The following MT1F variants were observed in gnomAD, a reference collection of about 807,000 sequenced individuals.
MT1F encodes the protein metallothionein 1F.
In MT1F, 6 loss-of-function variants were observed where a neutral mutation model predicts 5.4. The ratio of observed to expected loss-of-function variants is 1.11; its 90% CI spans 0.61 to 2.19. The LOEUF is 2.19. Ranked by LOEUF, MT1F falls within the 30% of genes most tolerant of loss-of-function variation. The pLI, the probability that MT1F is intolerant of heterozygous loss-of-function variation, is 0.00. For synonymous variants in MT1F, 28 were observed against 28.3 expected (o/e 0.99, Z 0.04); for missense variants, 82 against 77.0 (o/e 1.07, Z -0.24).
Position 56,659,300 on chromosome 16 carries a change from C to A in MT1F, c.*136C>A. 9.1e-6 allele frequency: 7 copies of A among 767,158 alleles called. No homozygotes were observed. The highest frequency in any genetic ancestry group is 1.5e-5 in the Non-Finnish European group (7 of 477,108). 47.5% of individuals were successfully genotyped at this position (767,158 alleles called of 1,614,324 possible). ...TGAGTGATAATTAAACACTTTAGACCTGATTCTGACTTCAGTTTCCCTTAT... is the reference window on the plus strand; with the variant it reads ...TGAGTGATAATTAAACACTTTAGACATGATTCTGACTTCAGTTTCCCTTAT... On this transcript the variant is annotated 3_prime_UTR_variant, in exon 3 of 3. Transcript: ENST00000334350.
chr16:56,659,172 A>T lies in MT1F; in HGVS notation c.*8A>T. ...TGCAGCTGCTGCGACTGATGCCAGG[A>T]CAACCTTTCTCCCAGATGTAAACAG... On this transcript the variant is annotated 3_prime_UTR_variant, in exon 3 of 3. Transcript: ENST00000334350. 6.2e-7 allele frequency: 1 copy of T among 1,613,932 alleles called. No homozygotes were observed. Among genetic ancestry groups the T allele is most frequent in the Non-Finnish European group, 8.5e-7 (1 of 1,179,854 alleles).
At position 56,659,110 on chromosome 16, in the gene MT1F, T is replaced by C. The variant is rs758403306; in HGVS notation, c.132T>C (p.Cys44=). The C allele has an allele frequency of 6.2e-7, 1 of 1,614,054 alleles. No individual in the cohort carries two copies. The highest frequency in any genetic ancestry group is 8.5e-7 in the Non-Finnish European group (1 of 1,179,974). ...GCTGCCCCGTGGGCTGTAGCAAGTG[T>C]GCCCAGGGCTGTGTTTGCAAAGGGG... ...CSCCPVGCSK[C]AQGCVCKGAS... is the part of the protein sequence containing the mutation. Residue 44 remains cysteine (C), a synonymous_variant, in exon 3 of 3, where the codon TGT becomes TGC. Transcript: ENST00000334350.
Position 56,658,101 on chromosome 16 carries a change from G to A in MT1F, c.28+15G>A. 1.2e-6 allele frequency: 2 copies of A among 1,614,034 alleles called. No individual in the cohort carries two copies. Among genetic ancestry groups the A allele is most frequent in the Non-Finnish European group, 1.7e-6 (2 of 1,179,910 alleles). On this transcript the variant is annotated intron_variant, in intron 1 of 2. Coordinates refer to ENST00000334350, the MANE Select transcript of MT1F (RefSeq NM_005949.4). The stretch of plus-strand genomic sequence containing the variant: ...CTGCGCCGCTGGTAAGGAACGCCGG[G>A]TTCCGTGCCTGGGGATGCTCGATTC...
In MT1F at chr16:56,658,050, C is replaced by T. The variant is rs746784071; in HGVS notation, c.-9C>T. The T allele has an allele frequency of 1.3e-4, 205 of 1,614,006 alleles. No homozygotes were observed. The highest frequency in any genetic ancestry group is 1.6e-4 in the Middle Eastern group (1 of 6,084). On this transcript the variant is annotated 5_prime_UTR_variant, in exon 1 of 3. Coordinates refer to ENST00000334350, the MANE Select transcript of MT1F (RefSeq NM_005949.4). ...TCTCTTGGAAAGTCCAGTCTCTCCTCGGCTTGCAATGGACCCCAACTGCTC... is the reference window on the plus strand; with the variant it reads ...TCTCTTGGAAAGTCCAGTCTCTCCTTGGCTTGCAATGGACCCCAACTGCTC...
In MT1F at chr16:56,659,109, G is replaced by A. The variant is rs1446434132; in HGVS notation, c.131G>A (p.Cys44Tyr). ...CSCCPVGCSK[C>Y]AQGCVCKGAS... ...TGCTGCCCCGTGGGCTGTAGCAAGTGTGCCCAGGGCTGTGTTTGCAAAGGG... is the reference window on the plus strand; with the variant it reads ...TGCTGCCCCGTGGGCTGTAGCAAGTATGCCCAGGGCTGTGTTTGCAAAGGG... The change falls in exon 3 of 3, where the codon TGT (cysteine) becomes TAT (tyrosine). Residue 44 changes from cysteine to tyrosine, a missense_variant. By Grantham distance (194) the Cys-to-Tyr change is radical. Transcript: ENST00000334350. 6.2e-7 allele frequency: 1 copy of A among 1,613,944 alleles called. No homozygotes were observed. Among genetic ancestry groups the A allele is most frequent in the Non-Finnish European group, 8.5e-7 (1 of 1,179,992 alleles).
At position 56,658,313 on chromosome 16, in the gene MT1F, T is replaced by G. The variant is rs1960646403; in HGVS notation, c.28+227T>G. The G allele has an allele frequency of 1.3e-5, 8 of 604,244 alleles. 1 individual carries two copies. In the East Asian group the frequency reaches 2.3e-4, roughly 17 times the overall value. 37.4% of individuals were successfully genotyped at this position (604,244 alleles called of 1,614,324 possible). On this transcript the variant is annotated intron_variant, in intron 1 of 2. Coordinates refer to ENST00000334350, the MANE Select transcript of MT1F (RefSeq NM_005949.4). ...CTCAAGGCTGTCCTGCTCCACGTCA[T>G]GCGGTTTGTCCCAGGGCTGTTGGCT...
In MT1F at chr16:56,659,217, G is replaced by A; in HGVS notation, c.*53G>A. On this transcript the variant is annotated 3_prime_UTR_variant, in exon 3 of 3. Transcript: ENST00000334350. ...AAACAGAGAGACATGTACAAACCTGGATTTTTTTTTTATACCACCTTGACC... is the reference window on the plus strand; with the variant it reads ...AAACAGAGAGACATGTACAAACCTGAATTTTTTTTTTATACCACCTTGACC... 6 of 1,582,056 alleles carry A rather than the reference G, an allele frequency of 3.8e-6. No homozygotes were observed. The highest frequency in any genetic ancestry group is 5.2e-6 in the Non-Finnish European group (6 of 1,157,424).
At position 56,658,008 on chromosome 16, in the gene MT1F, C is replaced by T. The variant is rs375184697; in HGVS notation, c.-51C>T. The T allele has an allele frequency of 6.8e-4, 1,089 of 1,603,506 alleles. 7 individuals carry two copies. Among genetic ancestry groups the T allele is most frequent in the Non-Finnish European group, 1.4e-4 (169 of 1,171,016 alleles). On this transcript the variant is annotated 5_prime_UTR_variant, in exon 1 of 3. Transcript: ENST00000334350. ...GGTCCACCACGCCTTCCACCTGCCC[C>T]ACTGCTTCTTCGCTTCTCTCTTGGA...
At chr16:56,658,503 T>A in intron 1 of MT1F, 172 bp from the exon 2 acceptor site, 1 of 683,790 alleles carries the variant, frequency 1.5e-6, no homozygotes, top group East Asian at 2.7e-5. Context: ...TGCTTGGCCT[T>A]CCCAGCATGA....
Position 56,658,757 on chromosome 16 carries a change from C to T in MT1F, c.94+17C>T, listed in dbSNP as rs1176037370. ...GCAAGAAGAGTGAGTGTGAGGCCATCTCCATGGTCTGGGGCTGTGGCTAAG... is the reference window on the plus strand; with the variant it reads ...GCAAGAAGAGTGAGTGTGAGGCCATTTCCATGGTCTGGGGCTGTGGCTAAG... On this transcript the variant is annotated intron_variant, in intron 2 of 2. Transcript: ENST00000334350. 54 of 1,614,104 alleles carry T rather than the reference C, an allele frequency of 3.3e-5. No homozygotes were observed. The highest frequency in any genetic ancestry group is 4.6e-5 in the Non-Finnish European group (54 of 1,179,942).
Position 56,658,063 on chromosome 16 carries a change from ACC to A in MT1F, c.8_9del (p.Pro3GlnfsTer39). 1 of 1,613,824 alleles carries A rather than the reference ACC, an allele frequency of 6.2e-7. No individual in the cohort carries two copies. The highest frequency in any genetic ancestry group is 8.5e-7 in the Non-Finnish European group (1 of 1,179,918). Reference sequence around the variant, plus strand: ...CCAGTCTCTCCTCGGCTTGCAATGGACCCCAACTGCTCCTGCGCCGCTGGTAA... The same window carrying A: ...CCAGTCTCTCCTCGGCTTGCAATGGACCAACTGCTCCTGCGCCGCTGGTAA... On this transcript the variant is annotated frameshift_variant, in exon 1 of 3. Transcript: ENST00000334350. LOFTEE classifies it high-confidence loss of function.
At chr16:56,658,393 G>T in intron 1 of MT1F, 1 of 590,066 alleles carries the variant, frequency 1.7e-6, no homozygotes, top group South Asian at 2.1e-5. Flanking sequence ...GGAGGCAGGG[G>T]ACATTGCCTC....
At chr16:56,658,875 T>C in intron 2 of MT1F, 135 bp downstream of exon 2, 1 of 1,261,640 alleles carries the variant, frequency 7.9e-7, no homozygotes. Flanking sequence ...TTTCTAGTCT[T>C]CTGCCCTGTG....
rs774103374 is a variant in MT1F, at chr16:56,659,086, C to A, written c.108C>A (p.Cys36Ter). 3.1e-6 allele frequency: 5 copies of A among 1,613,760 alleles called. No homozygotes were observed. Among genetic ancestry groups the A allele is most frequent in the Admixed American group, 3.3e-5 (2 of 59,980 alleles). The stretch of plus-strand genomic sequence containing the variant: ...CTTCTTCCCCAGGCTGCTGCTCCTG[C>A]TGCCCCGTGGGCTGTAGCAAGTGTG... ...CTSCKKSCCS[C>*]CPVGCSKCAQ... Residue 36 changes from cysteine to a stop codon, truncating the protein, a stop_gained, in exon 3 of 3, where the codon TGC becomes TGA. Coordinates refer to ENST00000334350, the MANE Select transcript of MT1F (RefSeq NM_005949.4). LOFTEE classifies it high-confidence loss of function.
Position 56,659,270 on chromosome 16 carries a change from A to G in MT1F, c.*106A>G. On this transcript the variant is annotated 3_prime_UTR_variant, in exon 3 of 3. Coordinates refer to ENST00000334350, the MANE Select transcript of MT1F (RefSeq NM_005949.4). ...TTTGCTACATTCCTTTTCCTGTGAA[A>G]TATGTGAGTGATAATTAAACACTTT... 2.8e-6 allele frequency: 3 copies of G among 1,067,856 alleles called. No homozygotes were observed. Among genetic ancestry groups the G allele is most frequent in the Non-Finnish European group, 4.2e-6 (3 of 712,554 alleles). The allele number at this position is 1,067,856 out of a possible 1,614,324, so 66.1% of individuals were successfully genotyped here.
rs1960660884 is a variant in MT1F, at chr16:56,659,143, G to A, written c.165G>A (p.Glu55=). The A allele has an allele frequency of 2.5e-6, 4 of 1,614,160 alleles. No homozygotes were observed. Among genetic ancestry groups the A allele is most frequent in the South Asian group, 2.2e-5 (2 of 91,080 alleles). ...AQGCVCKGAS[E]KCSCCD is the part of the protein sequence containing the mutation. Reference sequence around the variant, plus strand: ...GCTGTGTTTGCAAAGGGGCGTCAGAGAAGTGCAGCTGCTGCGACTGATGCC... The same window carrying A: ...GCTGTGTTTGCAAAGGGGCGTCAGAAAAGTGCAGCTGCTGCGACTGATGCC... The change falls in exon 3 of 3, where the codon GAG becomes GAA. Residue 55 remains glutamate (E), a synonymous_variant. Transcript: ENST00000334350.
At position 56,658,210 on chromosome 16, in the gene MT1F, G is replaced by T. The variant is rs113822742; in HGVS notation, c.28+124G>T. 6.2e-4 allele frequency: 685 copies of T among 1,101,750 alleles called. 3 individuals are homozygous for T. The African/African-American group carries it at 9.7e-3, about 16-fold the overall frequency. The allele number at this position is 1,101,750 out of a possible 1,614,324, so 68.2% of individuals were successfully genotyped here. ...GTAGGGGACTCCTTGACTTAGTCCA[G>T]TGCTTTCCTCTTGGCCAAGATCCTG... On this transcript the variant is annotated intron_variant, in intron 1 of 2. Transcript: ENST00000334350.
rs777779017 is a variant in MT1F at position 56,659,204 on chromosome 16, A to C, written c.*40A>C. ...TTCTCCCAGATGTAAACAGAGAGAC[A>C]TGTACAAACCTGGATTTTTTTTTTA... is the stretch of plus-strand genomic sequence containing the variant. On this transcript the variant is annotated 3_prime_UTR_variant, in exon 3 of 3. Coordinates refer to ENST00000334350, the MANE Select transcript of MT1F (RefSeq NM_005949.4). 1 of 1,604,850 alleles carries C rather than the reference A, an allele frequency of 6.2e-7. No homozygotes were observed. Among genetic ancestry groups the C allele is most frequent in the Non-Finnish European group, 8.5e-7 (1 of 1,172,970 alleles).
At chr16:56,658,621 G>A (rs1163467639) in intron 1 of MT1F, 54 bp from the exon 2 acceptor site, 2 of 1,584,240 alleles carry the variant, frequency 1.3e-6, no homozygotes, top group Non-Finnish European at 1.7e-6. Context: ...ACTCACTGCT[G>A]TACCTCCTGC....
Sources: allele counts gnomAD v4.1 joint callset, GRCh38; gene constraint gnomAD v4.1.1; transcripts MANE v1.5; gene names NCBI Gene and HGNC (gene_info 2026-07-23, HGNC 2026-07-21).